The following NEBL variants were observed in gnomAD, a reference collection of about 807,000 sequenced individuals.
The protein encoded by NEBL is nebulette, also known as LIM and SH3 protein 2.
NEBL carries 122 observed loss-of-function variants against 140.2 expected under a neutral mutation model. That is an observed-to-expected ratio of 0.87 (90% CI 0.75 to 1.01). The LOEUF (loss-of-function observed/expected upper bound fraction) is 1.01. NEBL is among the 50% of genes least tolerant of loss of function. NEBL has a pLI of 0.00. For synonymous variants in NEBL, 436 were observed against 398.9 expected (o/e 1.09, Z -1.11); for missense variants, 1,365 against 1,231.3 (o/e 1.11, Z -1.62).
chr10:21,079,232 T>A (rs1444345571), intron 2 of NEBL, among the ~76,000 whole-genome samples: 1 of 152,032 alleles, frequency 6.6e-6, no homozygotes, highest in Non-Finnish European at 1.5e-5. Flanking sequence ...GTGGAGGGGA[T>A]AACAGGGCAA....
intron 2 of NEBL, among the ~76,000 whole-genome samples, chr10:21,148,840 G>T (rs1427743379): frequency 6.6e-6 from 1 of 151,932 alleles, no homozygotes; most frequent in African/African-American, 2.4e-5. Flanking sequence ...TCCTCCTTTT[G>T]TCTGCTCCTT....
At chr10:20,937,431 C>A (rs1037752982) in intron 4 of NEBL, among the ~76,000 whole-genome samples, 1 of 152,130 alleles carries the variant, frequency 6.6e-6, no homozygotes, top group African/African-American at 2.4e-5. Context: ...TGAAACAGGT[C>A]ACTTCAAAAG....
At chr10:21,157,806 G>A (rs1055211247) in intron 2 of NEBL, among the ~76,000 whole-genome samples, 2 of 152,192 alleles carry the variant, frequency 1.3e-5, no homozygotes, top group African/African-American at 4.8e-5. Context: ...GGTCTTTGCT[G>A]AGGTAATCAA....
At chr10:21,024,933 C>T (rs1838962573) in intron 2 of NEBL, among the ~76,000 whole-genome samples, 2 of 152,160 alleles carry the variant, frequency 1.3e-5, no homozygotes, top group African/African-American at 4.8e-5. Context: ...ATCGGTAGCA[C>T]CATACAATTA....
intron 4 of NEBL, among the ~76,000 whole-genome samples, chr10:20,927,937 A>G (rs1833993269): frequency 6.6e-6 from 1 of 152,220 alleles, no homozygotes; most frequent in South Asian, 2.1e-4. Context: ...ATACAATGTG[A>G]GCCACATATT....
chr10:20,858,993 C>A (rs928332209), intron 8 of NEBL, among the ~76,000 whole-genome samples: 3 of 152,096 alleles, frequency 2.0e-5, no homozygotes, highest in East Asian at 1.9e-4. Context: ...GACTCCAAAC[C>A]TTTAGCTTTC....
intron 3 of NEBL, among the ~76,000 whole-genome samples, chr10:21,243,465 C>T (rs1842468866): frequency 6.6e-6 from 1 of 151,928 alleles, no homozygotes; most frequent in Non-Finnish European, 1.5e-5. Flanking sequence ...CGCCATCACG[C>T]CTCGCTAATT....
At chr10:21,071,744 G>T (rs893950162) in intron 2 of NEBL, among the ~76,000 whole-genome samples, 1 of 152,174 alleles carries the variant, frequency 6.6e-6, no homozygotes, top group Non-Finnish European at 1.5e-5. Context: ...TAAAACAACA[G>T]AAATTTATTC....
Position 20,808,570 on chromosome 10 carries a change from A to C in NEBL, c.2701T>G (p.Ser901Ala), listed in dbSNP as rs772962141. The C allele has an allele frequency of 6.2e-7, 1 of 1,613,982 alleles. No homozygotes were observed. The highest frequency in any genetic ancestry group is 1.1e-5 in the South Asian group (1 of 91,082). Residue 901 changes from serine (S) to alanine (A), a missense_variant, in exon 26 of 28, where the codon TCC (serine) becomes GCC (alanine). Transcript: ENST00000377122. ...CATGAAAAGCTAGGGTAAATCTCGG[A>C]GATTTCTGACCTGTCGTCTCCGAGA... is the stretch of plus-strand genomic sequence containing the variant. ...TGLGDDRSEI[S>A]EIYPSFSCCS...
chr10:20,966,533 G>C (rs1836325582), intron 3 of NEBL, among the ~76,000 whole-genome samples: 1 of 152,198 alleles, frequency 6.6e-6, no homozygotes, highest in Non-Finnish European at 1.5e-5. Context: ...CTTTGCTGCT[G>C]AAGTATGTGC....
chr10:21,004,039 T>C (rs1564476964), intron 3 of NEBL, among the ~76,000 whole-genome samples: 1 of 152,206 alleles, frequency 6.6e-6, no homozygotes, highest in Non-Finnish European at 1.5e-5. Context: ...AACAACAGAA[T>C]GCATTGTAAC....
upstream of NEBL, chr10:21,175,048 A>C (rs1350574022): frequency 3.4e-4 from 52 of 152,246 alleles, no homozygotes; most frequent in Admixed American, 3.4e-3. Context: ...GAGCCAGAAA[A>C]TCAAGTAGAA....
intron 2 of NEBL, among the ~76,000 whole-genome samples, chr10:21,161,490 G>C (rs1418125525): frequency 6.6e-6 from 1 of 152,142 alleles, no homozygotes; most frequent in African/African-American, 2.4e-5. Flanking sequence ...CACAGCACGT[G>C]TGCTTGTAGA....
chr10:21,236,352 T>A (rs1842349828), intron 3 of NEBL, among the ~76,000 whole-genome samples: 1 of 149,370 alleles, frequency 6.7e-6, no homozygotes, highest in Non-Finnish European at 1.5e-5. Context: ...TTAATTTTTT[T>A]TTTTTTTTTT....
intron 3 of NEBL, among the ~76,000 whole-genome samples, chr10:21,019,638 G>A (rs1289079224): frequency 6.6e-6 from 1 of 152,172 alleles, no homozygotes; most frequent in African/African-American, 2.4e-5. Flanking sequence ...TCTCATCTTT[G>A]TTCATGCTGT....
At chr10:20,833,027 A>C (rs1840564213) in intron 14 of NEBL, among the ~76,000 whole-genome samples, 1 of 152,212 alleles carries the variant, frequency 6.6e-6, no homozygotes, top group African/African-American at 2.4e-5. Flanking sequence ...ACAGCCACCA[A>C]GGTCTGATGG....
chr10:20,899,699 G>C, upstream of NEBL: 1 of 268,782 alleles, frequency 3.7e-6, no homozygotes, highest in Non-Finnish European at 7.3e-6. Context: ...AACCTAACTA[G>C]AGACCTGTGT....
chr10:21,128,137 C>T (rs990927806), intron 2 of NEBL, among the ~76,000 whole-genome samples: 1 of 152,096 alleles, frequency 6.6e-6, no homozygotes, highest in Non-Finnish European at 1.5e-5. Context: ...TAACCAAATT[C>T]AAAGGAAACA....
intron 26 of NEBL, among the ~76,000 whole-genome samples, chr10:20,801,441 C>G (rs1650056510): frequency 6.6e-6 from 1 of 152,018 alleles, no homozygotes; most frequent in Non-Finnish European, 1.5e-5. Flanking sequence ...AAGTAACCTG[C>G]TTGCCTGGGC....
Sources: allele counts gnomAD v4.1 joint callset (sites outside exome capture counted in the v4.1 genomes callset), GRCh38; gene constraint gnomAD v4.1.1; transcripts MANE v1.5; gene names NCBI Gene and HGNC (gene_info 2026-07-23, HGNC 2026-07-21).